The following SIK3 variants were observed in gnomAD, a reference collection of about 807,000 sequenced individuals.
SIK3 encodes the protein serine/threonine-protein kinase SIK3.
A neutral mutation model predicts 144.2 loss-of-function variants in SIK3; 28 were observed. That is an observed-to-expected ratio of 0.19 (90% CI 0.14 to 0.27). The LOEUF (loss-of-function observed/expected upper bound fraction) is 0.27, where lower values mean the gene tolerates loss of function less well. Among genes scored for constraint, SIK3 ranks in the 10% least tolerant of loss-of-function variants. SIK3 has a pLI of 1.00. For synonymous variants in SIK3, 686 were observed against 676.3 expected (o/e 1.01, Z -0.22); for missense variants, 1,319 against 1,776.0 (o/e 0.74, Z 4.62).
chr11:117,056,546 G>GATATAGAT (rs948528593), intron 1 of SIK3, among the ~76,000 whole-genome samples: 2 of 78,052 alleles, frequency 2.6e-5, no homozygotes, highest in Non-Finnish European at 4.3e-5. Context: ...GATAGATATA[G>GATATAGAT]ATATAGATAT....
intron 1 of SIK3, among the ~76,000 whole-genome samples, chr11:116,977,238 C>T (rs922453012): frequency 4.2e-5 from 6 of 143,810 alleles, no homozygotes; most frequent in Non-Finnish European, 7.6e-5. Flanking sequence ...CTCCCTCCCT[C>T]CCTCCCTCCC....
intron 3 of SIK3, among the ~76,000 whole-genome samples, chr11:116,937,804 T>C (rs1253426006): frequency 1.3e-5 from 2 of 152,218 alleles, no homozygotes; most frequent in African/African-American, 4.8e-5. Context: ...ATTAAAAATA[T>C]ATATTTCATA....
At chr11:116,986,344 C>G (rs1950324705) in intron 1 of SIK3, among the ~76,000 whole-genome samples, 1 of 152,150 alleles carries the variant, frequency 6.6e-6, no homozygotes, top group South Asian at 2.1e-4. Flanking sequence ...TAAAATGTAG[C>G]TGGCATAGAA....
intron 1 of SIK3, among the ~76,000 whole-genome samples, chr11:116,962,621 C>T (rs1317911595): frequency 6.6e-6 from 1 of 152,018 alleles, no homozygotes; most frequent in Non-Finnish European, 1.5e-5. Flanking sequence ...TATGACAAAG[C>T]TTATCTACTC....
intron 1 of SIK3, among the ~76,000 whole-genome samples, chr11:116,963,227 C>T (rs1949409921): frequency 6.6e-6 from 1 of 152,116 alleles, no homozygotes; most frequent in African/African-American, 2.4e-5. Context: ...ACTGTACTGC[C>T]CTTGTGTGCA....
chr11:116,860,315 T>C (rs1007971944), intron 19 of SIK3, among the ~76,000 whole-genome samples: 3 of 151,660 alleles, frequency 2.0e-5, no homozygotes, highest in Non-Finnish European at 4.4e-5. Context: ...CCAATATTGG[T>C]GGCTGGGGGA....
chr11:117,007,504 T>C (rs1222263320), intron 1 of SIK3, among the ~76,000 whole-genome samples: 5 of 152,204 alleles, frequency 3.3e-5, no homozygotes, highest in African/African-American at 9.6e-5. Context: ...AACACACCTG[T>C]ACTCATGATA....
At chr11:116,915,652 A>C (rs1591312457) in intron 4 of SIK3, among the ~76,000 whole-genome samples, 1 of 152,192 alleles carries the variant, frequency 6.6e-6, no homozygotes, top group East Asian at 1.9e-4. Flanking sequence ...ATGTAATGTA[A>C]CATTTTTAAA....
At chr11:117,017,254 A>T (rs1951577846) in intron 1 of SIK3, among the ~76,000 whole-genome samples, 1 of 152,170 alleles carries the variant, frequency 6.6e-6, no homozygotes, top group African/African-American at 2.4e-5. Flanking sequence ...TTCTGTCTCT[A>T]AAAAAATAAT....
chr11:117,007,203 C>A (rs1007627642), intron 1 of SIK3, among the ~76,000 whole-genome samples: 2 of 152,200 alleles, frequency 1.3e-5, no homozygotes, highest in Non-Finnish European at 2.9e-5. Context: ...CACAGTGAAA[C>A]CCTGTCTCTA....
intron 1 of SIK3, among the ~76,000 whole-genome samples, chr11:116,978,490 T>A (rs1290907711): frequency 6.6e-6 from 1 of 152,168 alleles, no homozygotes; most frequent in Non-Finnish European, 1.5e-5. Flanking sequence ...ATCTAAACTT[T>A]ATGCAAATAG....
intron 1 of SIK3, among the ~76,000 whole-genome samples, chr11:116,974,267 G>C (rs898698599): frequency 2.6e-5 from 4 of 152,156 alleles, no homozygotes; most frequent in Non-Finnish European, 5.9e-5. Context: ...TTTAATGTTG[G>C]AGATACCAGA....
chr11:116,897,665 C>T (rs1437662955), intron 4 of SIK3, among the ~76,000 whole-genome samples: 1 of 152,092 alleles, frequency 6.6e-6, no homozygotes, highest in Non-Finnish European at 1.5e-5. Flanking sequence ...CCGAGGTGGG[C>T]GGATCACGAG....
chr11:117,065,141 T>G (rs1245735899), intron 1 of SIK3, among the ~76,000 whole-genome samples: 3 of 150,904 alleles, frequency 2.0e-5, no homozygotes. Flanking sequence ...ACAGGGAGAC[T>G]CCATCTCAAA....
chr11:116,976,937 G>A (rs898726793), intron 1 of SIK3, among the ~76,000 whole-genome samples: 1 of 152,100 alleles, frequency 6.6e-6, no homozygotes, highest in Non-Finnish European at 1.5e-5. Flanking sequence ...TAATAGTTTG[G>A]ACTAGTCATC....
intron 1 of SIK3, among the ~76,000 whole-genome samples, chr11:116,985,189 C>A (rs1445583154): frequency 6.6e-6 from 1 of 152,080 alleles, no homozygotes; most frequent in Non-Finnish European, 1.5e-5. Context: ...ATTCATTTAG[C>A]CTAATGAGAT....
intron 3 of SIK3, among the ~76,000 whole-genome samples, chr11:116,953,245 A>G (rs1949015206): frequency 6.6e-6 from 1 of 152,238 alleles, no homozygotes; most frequent in African/African-American, 2.4e-5. Context: ...AAAAAATTTT[A>G]AACTAGCAAG....
intron 1 of SIK3, among the ~76,000 whole-genome samples, chr11:117,007,115 C>T (rs1951077063): frequency 6.6e-6 from 1 of 152,216 alleles, no homozygotes; most frequent in African/African-American, 2.4e-5. Flanking sequence ...CAGTGGCTCA[C>T]GCCTGTAATC....
At chr11:116,936,092 T>A (rs1050191420) in intron 3 of SIK3, among the ~76,000 whole-genome samples, 1 of 152,162 alleles carries the variant, frequency 6.6e-6, no homozygotes, top group Non-Finnish European at 1.5e-5. Context: ...CTGGGCAACA[T>A]AGTGAGATCC....
Sources: gnomAD v4.1 joint callset for allele counts (sites outside exome capture counted in the v4.1 genomes callset) on GRCh38, gnomAD v4.1.1 for gene constraint, MANE v1.5 for transcripts, NCBI Gene and HGNC (gene_info 2026-07-23, HGNC 2026-07-21) for gene names.